The following PPP1R16B variants were observed in gnomAD, a reference collection of about 807,000 sequenced individuals.
PPP1R16B encodes the protein protein phosphatase 1 regulatory inhibitor subunit 16B.
In PPP1R16B, 14 loss-of-function variants were observed where a neutral mutation model predicts 61.7. The observed-to-expected ratio is 0.23, with a 90% CI of 0.15 to 0.35. PPP1R16B has a LOEUF of 0.35. PPP1R16B is among the 10% of genes least tolerant of loss of function. PPP1R16B has a pLI of 1.00. For missense variants in PPP1R16B, 547 were observed against 752.5 expected (o/e 0.73, Z 3.19); for synonymous variants, 266 against 305.3 (o/e 0.87, Z 1.34).
At chr20:38,862,634 C>G (rs778700001) in intron 2 of PPP1R16B, among the ~76,000 whole-genome samples, 4 of 152,270 alleles carry the variant, frequency 2.6e-5, no homozygotes, top group Admixed American at 2.0e-4. Context: ...CTCATCATCC[C>G]GAGAAACCCA....
At chr20:38,809,288 C>T (rs2084683385) in intron 1 of PPP1R16B, among the ~76,000 whole-genome samples, 1 of 152,094 alleles carries the variant, frequency 6.6e-6, no homozygotes, top group South Asian at 2.1e-4. Flanking sequence ...GAGTCTAGCA[C>T]CAGCTTTTCC....
chr20:38,895,495 G>A, intron 3 of PPP1R16B, 70 bp from the exon 4 acceptor site: 1 of 1,517,256 alleles, frequency 6.6e-7, no homozygotes. Flanking sequence ...GGGGAACCTG[G>A]TGTGTCCTGA....
intron 6 of PPP1R16B, among the ~76,000 whole-genome samples, chr20:38,904,982 G>T (rs754372571): frequency 1.3e-5 from 2 of 152,134 alleles, no homozygotes; most frequent in Non-Finnish European, 2.9e-5. Flanking sequence ...TTCATTATGG[G>T]CTAAGCTATT....
chr20:38,882,649 C>T (rs912364160), intron 2 of PPP1R16B, among the ~76,000 whole-genome samples: 1 of 152,124 alleles, frequency 6.6e-6, no homozygotes, highest in Admixed American at 6.6e-5. Flanking sequence ...TAGTTTCATG[C>T]CCTCAGGAAC....
intron 2 of PPP1R16B, among the ~76,000 whole-genome samples, chr20:38,888,171 G>A (rs546254793): frequency 1.3e-5 from 2 of 152,350 alleles, no homozygotes; most frequent in Admixed American, 6.5e-5. Context: ...TAGTGTCCAC[G>A]GTGGGGATTA....
chr20:38,866,442 C>T (rs904024749), intron 2 of PPP1R16B, among the ~76,000 whole-genome samples: 3 of 152,194 alleles, frequency 2.0e-5, no homozygotes, highest in Non-Finnish European at 4.4e-5. Context: ...CAGAATGCCC[C>T]GGAAGGTGCG....
At position 38,918,266 on chromosome 20, in the gene PPP1R16B, A is replaced by G. The variant is rs1202894634; in HGVS notation, c.1304A>G (p.Tyr435Cys). 1.9e-6 allele frequency: 3 copies of G among 1,614,226 alleles called. 1 individual carries two copies. The Admixed American group carries it at 5.0e-5, about 27-fold the overall frequency. Residue 435 changes from tyrosine (Y) to cysteine (C), a missense_variant, in exon 11 of 11, where the codon TAC (tyrosine) becomes TGC (cysteine). By Grantham distance (194) the Tyr-to-Cys change is radical (BLOSUM62 -2). Coordinates refer to ENST00000299824, the MANE Select transcript of PPP1R16B (RefSeq NM_015568.4). The surrounding 1 kb of genome is among the most constrained non-coding windows in gnomAD (Gnocchi z 5.3). ...ENGLRAPVSAYQYALANGDVW... is the reference protein window; with the variant it reads ...ENGLRAPVSACQYALANGDVW... Reference sequence around the variant, plus strand: ...GGCCTCCGGGCTCCGGTCAGTGCCTACCAGTATGCGCTGGCCAACGGGGAT... The same window carrying G: ...GGCCTCCGGGCTCCGGTCAGTGCCTGCCAGTATGCGCTGGCCAACGGGGAT...
chr20:38,849,224 C>T (rs917122213), intron 2 of PPP1R16B, among the ~76,000 whole-genome samples: 1 of 151,800 alleles, frequency 6.6e-6, no homozygotes, highest in Non-Finnish European at 1.5e-5. Flanking sequence ...CTGAATTCAC[C>T]TTAGTCTTGG....
intron 2 of PPP1R16B, among the ~76,000 whole-genome samples, chr20:38,846,862 A>G (rs576922628): frequency 2.0e-5 from 3 of 152,170 alleles, no homozygotes; most frequent in African/African-American, 7.2e-5. Context: ...AAAATTATCC[A>G]GGTGTGGTGA....
intron 1 of PPP1R16B, among the ~76,000 whole-genome samples, chr20:38,829,294 T>A (rs1025056931): frequency 6.6e-6 from 1 of 152,178 alleles, no homozygotes; most frequent in Admixed American, 6.5e-5. Context: ...AAAAATTAAG[T>A]ACCCTACCCT....
intron 10 of PPP1R16B, among the ~76,000 whole-genome samples, chr20:38,915,160 A>T (rs2085523133): frequency 6.6e-6 from 1 of 152,194 alleles, no homozygotes; most frequent in Non-Finnish European, 1.5e-5. Context: ...ATTATTATGA[A>T]CTAAAGCCCA....
At chr20:38,869,950 G>A (rs371909606) in intron 2 of PPP1R16B, among the ~76,000 whole-genome samples, 1 of 151,280 alleles carries the variant, frequency 6.6e-6, no homozygotes, top group African/African-American at 2.4e-5. Flanking sequence ...TTAAGACACG[G>A]TCTCTCTCTG....
At chr20:38,866,600 CCCATGGAGGGGATACAGCCCG>C (rs2085092273) in intron 2 of PPP1R16B, among the ~76,000 whole-genome samples, 1 of 152,088 alleles carries the variant, frequency 6.6e-6, no homozygotes, top group Non-Finnish European at 1.5e-5. Flanking sequence ...ACATCTTTTT[CCCATGGAGGGGATACAGCCCG>C]CCATGCAGGA....
At chr20:38,855,846 A>C (rs2145732762) in intron 2 of PPP1R16B, among the ~76,000 whole-genome samples, 1 of 147,908 alleles carries the variant, frequency 6.8e-6, no homozygotes, top group Admixed American at 6.8e-5. Context: ...CTCAAAGATA[A>C]TAGGCAGGAC....
At position 38,898,683 on chromosome 20, in the gene PPP1R16B, G is replaced by A. The variant is rs1246973799; in HGVS notation, c.468-1898G>A. Among the ~76,000 whole-genome samples, 5 of 152,164 alleles carry A rather than the reference G, an allele frequency of 3.3e-5. No individual in the cohort carries two copies. The South Asian group carries it at 6.2e-4, about 19-fold the overall frequency. ...AAATTAGCTGGGCGTGGTGGTGCACGCCTGTAATCCCAGCTACTCAGGAGG... is the reference window on the plus strand; with the variant it reads ...AAATTAGCTGGGCGTGGTGGTGCACACCTGTAATCCCAGCTACTCAGGAGG... On this transcript the variant is annotated intron_variant, in intron 4 of 10. Transcript: ENST00000299824.
intron 5 of PPP1R16B, among the ~76,000 whole-genome samples, chr20:38,901,826 A>G (rs144372998): frequency 7.2e-5 from 11 of 152,404 alleles, no homozygotes; most frequent in Non-Finnish European, 1.2e-4. Context: ...TCGTTAATTC[A>G]TTAAACAATA....
At chr20:38,837,510 A>G (rs2084879546) in intron 2 of PPP1R16B, among the ~76,000 whole-genome samples, 1 of 151,858 alleles carries the variant, frequency 6.6e-6, no homozygotes, top group Non-Finnish European at 1.5e-5. Context: ...ACACATTCAT[A>G]CAATCTATGT....
intron 2 of PPP1R16B, among the ~76,000 whole-genome samples, chr20:38,859,722 C>CT: frequency 6.6e-6 from 1 of 152,120 alleles, no homozygotes; most frequent in Non-Finnish European, 1.5e-5. Flanking sequence ...AACTCCTGGC[C>CT]TCAAGCAGTC....
chr20:38,901,915 G>A (rs1033769423), intron 5 of PPP1R16B, among the ~76,000 whole-genome samples: 4 of 152,190 alleles, frequency 2.6e-5, no homozygotes, highest in African/African-American at 9.7e-5. Context: ...TGTGGGTTTT[G>A]CTTACATTCT....
Sources: allele counts gnomAD v4.1 joint callset (sites outside exome capture counted in the v4.1 genomes callset), GRCh38; gene constraint gnomAD v4.1.1; non-coding constraint Gnocchi (gnomAD v3.1); transcripts MANE v1.5; gene names NCBI Gene and HGNC (gene_info 2026-07-23, HGNC 2026-07-21).